Variants in SDHA observed in about 807,000 individuals in gnomAD.
The protein encoded by SDHA is succinate dehydrogenase complex flavoprotein subunit A, also known as succinate dehydrogenase [ubiquinone] flavoprotein subunit, mitochondrial.
SDHA carries 48 observed loss-of-function variants against 78.4 expected under a neutral mutation model. That is an observed-to-expected ratio of 0.61 (90% CI 0.49 to 0.78). The LOEUF (loss-of-function observed/expected upper bound fraction) is 0.78, where lower values mean the gene tolerates loss of function less well. SDHA is among the 30% of genes least tolerant of loss of function. The probability of loss-of-function intolerance (pLI) is 0.00; values close to 1 mark genes in which losing one functional copy is unlikely to be tolerated. For missense variants in SDHA, 680 were observed against 892.7 expected (o/e 0.76, Z 3.04); for synonymous variants, 326 against 353.9 (o/e 0.92, Z 0.88).
chr5:225,792 AT>A, intron 4 of SDHA, 90 bp from the exon 5 acceptor site: 1 of 1,539,582 alleles, frequency 6.5e-7, no homozygotes, highest in South Asian at 1.1e-5. Context: ...GGGTTTGCAG[AT>A]TTGTGTTAAA....
the SDHA span, among the ~76,000 whole-genome samples, chr5:262,356 G>T: frequency 5.2e-5 from 7 of 134,576 alleles, no homozygotes; most frequent in South Asian, 4.7e-4. Context: ...TCCCGGCAGA[G>T]CATTACCGTG....
intron 11 of SDHA, among the ~76,000 whole-genome samples, chr5:243,724 G>A (rs1295925639): frequency 5.3e-5 from 8 of 152,120 alleles, no homozygotes; most frequent in Non-Finnish European, 7.3e-5. Context: ...ATCAGCTTTC[G>A]ACAATGCTAA....
At chr5:242,445 CTTT>C (rs1736201910) in intron 11 of SDHA, among the ~76,000 whole-genome samples, 2 of 152,194 alleles carry the variant, frequency 1.3e-5, no homozygotes, top group African/African-American at 4.8e-5. Flanking sequence ...GAGCCCATAC[CTTT>C]GTTTCCCGTA....
intron 1 of SDHA, 27 bp downstream of exon 1, chr5:218,445 G>A (rs1224405440): frequency 5.1e-6 from 7 of 1,364,202 alleles, no homozygotes; most frequent in African/African-American, 1.5e-5. Flanking sequence ...GACCGGGGCG[G>A]GGCAGGCGGG....
intron 6 of SDHA, 28 bp from the exon 7 acceptor site, chr5:230,848 T>C: frequency 6.2e-7 from 1 of 1,613,270 alleles, no homozygotes; most frequent in Middle Eastern, 1.7e-4. Context: ...GGCCGCTGTG[T>C]GCAGTCACTG....
At chr5:262,351 G>GAGCATTACCGTGTGAGCTCCGCCTCCCGT in the SDHA span, among the ~76,000 whole-genome samples, 1 of 31,364 alleles carries the variant, frequency 3.2e-5, no homozygotes, top group African/African-American at 2.1e-4. Flanking sequence ...CCGCCTCCCG[G>GAGCATTACCGTGTGAGCTCCGCCTCCCGT]CAGAGCATTA....
intron 8 of SDHA, chr5:234,436 A>AC (rs56178743): frequency 0.12 from 14,107 of 121,064 alleles, 1,080 homozygotes; most frequent in African/African-American, 0.2. Flanking sequence ...AAAAAAAAAA[A>AC]AAAAAAAACA....
intron 13 of SDHA, among the ~76,000 whole-genome samples, chr5:252,247 C>T (rs1736883489): frequency 7.8e-6 from 1 of 128,744 alleles, no homozygotes; most frequent in Admixed American, 7.6e-5. Flanking sequence ...AGGAGTAAGC[C>T]ACCGTTTCAA....
the SDHA span, among the ~76,000 whole-genome samples, chr5:267,183 GTCTTCCTTACTGAAT>G: frequency 6.6e-6 from 1 of 152,250 alleles, no homozygotes; most frequent in African/African-American, 2.4e-5. Flanking sequence ...GTAAGTCATT[GTCTTCCTTACTGAAT>G]TCTAGCAGAA....
intron 11 of SDHA, among the ~76,000 whole-genome samples, chr5:244,644 C>G (rs1005617715): frequency 1.3e-5 from 2 of 152,190 alleles, no homozygotes. Context: ...AATCATTTCT[C>G]TACAGCACTG....
rs112824344 is a variant in SDHA, at chr5:229,642, A to G, written c.771-1234A>G. ...ATTAAAGGTGTAACTTCCCGTTACA[A>G]GGTGAAGTTCTGAAGGTCTAATATA... On this transcript the variant is annotated intron_variant, in intron 6 of 14. Transcript: ENST00000264932. Among the ~76,000 whole-genome samples, 1,087 of 152,368 alleles carry G rather than the reference A, an allele frequency of 7.1e-3. 15 individuals carry two copies. The highest frequency in any genetic ancestry group is 0.026 in the African/African-American group (1,065 of 41,572).
chr5:223,621 A>G (rs1420274530), intron 2 of SDHA, 53 bp downstream of exon 2: 6 of 1,352,460 alleles, frequency 4.4e-6, no homozygotes, highest in Non-Finnish European at 6.4e-6. Flanking sequence ...CTTAGGGGGT[A>G]AGGATCTATA....
Position 251,754 on chromosome 5 carries a change from G to A in SDHA, c.1794+286G>A. The A allele has an allele frequency of 1.2e-5, 17 of 1,377,802 alleles. No individual in the cohort carries two copies. The South Asian group carries it at 2.1e-4, about 17-fold the overall frequency. The allele number at this position is 1,377,802 out of a possible 1,614,324, so 85.3% of individuals were successfully genotyped here. On this transcript the variant is annotated intron_variant, in intron 13 of 14. Coordinates refer to ENST00000264932, the MANE Select transcript of SDHA (RefSeq NM_004168.4). ...CAAGGTTAGAAGTGCAGCTAGAGTG[G>A]CAAGACCAGGAAATAAATGCCAGTT...
intron 1 of SDHA, chr5:220,467 A>G (rs1295078899): frequency 4.8e-6 from 1 of 209,582 alleles, no homozygotes; most frequent in South Asian, 6.1e-5. Flanking sequence ...TTAGGCCATT[A>G]TAGTAGTAAA....
rs755235011 is a variant in SDHA at position 233,544 on chromosome 5, T to C, written c.963T>C (p.Ser321=). The change falls in exon 8 of 15, where the codon AGT becomes AGC. Residue 321 remains serine (S), a synonymous_variant. Coordinates refer to ENST00000264932, the MANE Select transcript of SDHA (RefSeq NM_004168.4). ...GAGAGGGAGGCATTCTCATTAACAG[T>C]CAAGGCGAAAGGTTTATGGAGCGAT... ...CRGEGGILIN[S]QGERFMERYA... 5.6e-6 allele frequency: 9 copies of C among 1,614,202 alleles called. No homozygotes were observed. In the South Asian group the frequency reaches 9.9e-5, roughly 18 times the overall value.
chr5:251,464 A>C lies in SDHA; in HGVS notation c.1790A>C (p.Tyr597Ser). The C allele has an allele frequency of 6.2e-7, 1 of 1,613,984 alleles. No homozygotes were observed. The highest frequency in any genetic ancestry group is 2.2e-5 in the East Asian group (1 of 44,886). The change falls in exon 13 of 15, where the codon TAC becomes TCC. Residue 597 changes from tyrosine to serine, a missense_variant. Coordinates refer to ENST00000264932, the MANE Select transcript of SDHA (RefSeq NM_004168.4). Reference sequence around the variant, plus strand: ...CGGGGCGCGCATGCCAGGGAAGACTACAAGGTGGGCCTTCTCACCACGCCC... The same window carrying C: ...CGGGGCGCGCATGCCAGGGAAGACTCCAAGGTGGGCCTTCTCACCACGCCC... Reference protein sequence around the residue: ...ESRGAHAREDYKVRIDEYDYS... With the variant: ...ESRGAHAREDSKVRIDEYDYS...
chr5:224,299 A>T, intron 2 of SDHA, 61 bp from the exon 3 acceptor site: 11 of 1,554,846 alleles, frequency 7.1e-6, no homozygotes, highest in Non-Finnish European at 9.7e-6. Flanking sequence ...TCACTGTCAC[A>T]AGATTCTTCA....
intron 11 of SDHA, among the ~76,000 whole-genome samples, chr5:243,656 A>G (rs530050832): frequency 6.6e-5 from 10 of 152,228 alleles, no homozygotes; most frequent in African/African-American, 2.4e-4. Context: ...GCTCGGTTAC[A>G]GGAGTCTCTT....
the SDHA span, among the ~76,000 whole-genome samples, chr5:264,908 T>C: frequency 4.3e-5 from 6 of 140,722 alleles, no homozygotes; most frequent in Non-Finnish European, 9.5e-5. Flanking sequence ...ATGTTAATGC[T>C]AAAACTAAGA....
Sources: allele counts gnomAD v4.1 joint callset (sites outside exome capture counted in the v4.1 genomes callset), GRCh38; gene constraint gnomAD v4.1.1; transcripts MANE v1.5; gene names NCBI Gene and HGNC (gene_info 2026-07-23, HGNC 2026-07-21).